PGM2L1: variants seen among roughly 807,000 people sequenced by gnomAD.
PGM2L1 encodes glucose 1,6-bisphosphate synthase.
In PGM2L1, 35 loss-of-function variants were observed where a neutral mutation model predicts 73.4. That is an observed-to-expected ratio of 0.48 (90% confidence interval 0.36 to 0.63). The LOEUF is 0.63. Among genes scored for constraint, PGM2L1 ranks in the 30% least tolerant of loss-of-function variants. PGM2L1 has a pLI of 0.00. For synonymous variants in PGM2L1, 225 were observed against 253.8 expected (o/e 0.89, Z 1.08); for missense variants, 570 against 742.0 (o/e 0.77, Z 2.69).
chr11:74,367,690 C>T (rs1862682122), intron 5 of PGM2L1, among the ~76,000 whole-genome samples: 1 of 152,188 alleles, frequency 6.6e-6, no homozygotes, highest in Admixed American at 6.5e-5. Flanking sequence ...CTTAAGTCCA[C>T]ATTTCTCCCC....
intron 5 of PGM2L1, among the ~76,000 whole-genome samples, chr11:74,364,970 C>T (rs1862632106): frequency 1.3e-5 from 2 of 152,222 alleles, no homozygotes; most frequent in Admixed American, 1.3e-4. Context: ...AACTATACTA[C>T]AAGGCTACAG....
chr11:74,354,947 C>T, intron 5 of PGM2L1: 2 of 939,482 alleles, frequency 2.1e-6, no homozygotes, highest in Middle Eastern at 3.2e-4. Context: ...AGAAATACCA[C>T]ACTGTGAATG....
rs990084308 is a variant in PGM2L1 at position 74,342,770 on chromosome 11, A to C, written c.1442+115T>G. 3 of 1,388,606 alleles carry C rather than the reference A, an allele frequency of 2.2e-6. No individual in the cohort carries two copies. The African/African-American group carries it at 4.4e-5, about 20-fold the overall frequency. The allele number at this position is 1,388,606 out of a possible 1,614,324, so 86.0% of individuals were successfully genotyped here. A position where few individuals can be genotyped will look rare whatever the true frequency, so the allele number is the denominator to read the frequency against. On this transcript the variant is annotated intron_variant, in intron 11 of 13. Transcript: ENST00000298198. ...AAAGTGGCAGTCCTTAATTCACATA[A>C]TTTTAATACTTTTTAAAAAAGGATC...
chr11:74,380,677 T>TA (rs1565444720), intron 1 of PGM2L1, among the ~76,000 whole-genome samples: 2 of 152,122 alleles, frequency 1.3e-5, no homozygotes, highest in Admixed American at 6.6e-5. Context: ...CTATCTTTTT[T>TA]TAAAAAAACT....
chr11:74,395,870 GTTTC>G (rs2134960627), intron 1 of PGM2L1, among the ~76,000 whole-genome samples: 1 of 152,034 alleles, frequency 6.6e-6, no homozygotes, highest in Non-Finnish European at 1.5e-5. Context: ...CATTTTACAG[GTTTC>G]TTTAATATTT....
chr11:74,390,374 T>C (rs1015074840), intron 1 of PGM2L1, among the ~76,000 whole-genome samples: 4 of 152,326 alleles, frequency 2.6e-5, no homozygotes, highest in South Asian at 2.1e-4. Context: ...TAAGGTTTCT[T>C]CATCTTTTCA....
At position 74,398,062 on chromosome 11, in the gene PGM2L1, G is replaced by C; in HGVS notation, c.100C>G (p.Arg34Gly). Reference protein sequence around the residue: ...QLDTAIGQWLRWDKNPKTKEQ... With the variant: ...QLDTAIGQWLGWDKNPKTKEQ... ...GACCAGGTACCCACCTTATCCCAGCGGAGCCACTGCCCGATGGCCGTGTCC... is the reference window on the plus strand; with the variant it reads ...GACCAGGTACCCACCTTATCCCAGCCGAGCCACTGCCCGATGGCCGTGTCC... Residue 34 changes from arginine to glycine, a missense_variant, in exon 1 of 14, where the codon CGC becomes GGC. By Grantham distance (125) the Arg-to-Gly change is moderately radical. Coordinates refer to ENST00000298198, the MANE Select transcript of PGM2L1 (RefSeq NM_173582.6). 6.2e-7 allele frequency: 1 copy of C among 1,609,378 alleles called. No individual in the cohort carries two copies. Among genetic ancestry groups the C allele is most frequent in the Non-Finnish European group, 8.5e-7 (1 of 1,177,376 alleles).
intron 5 of PGM2L1, among the ~76,000 whole-genome samples, chr11:74,353,590 C>T (rs909558801): frequency 4.6e-5 from 7 of 151,348 alleles, no homozygotes; most frequent in Non-Finnish European, 8.8e-5. Context: ...CATCTTGCAC[C>T]GCCCTTAATC....
chr11:74,383,286 A>G (rs1314350491), intron 1 of PGM2L1, among the ~76,000 whole-genome samples: 1 of 152,172 alleles, frequency 6.6e-6, no homozygotes, highest in Non-Finnish European at 1.5e-5. Flanking sequence ...AAGTATATAA[A>G]CCATACATGC....
In PGM2L1 at chr11:74,343,432, G is replaced by A. The variant is rs746004806; in HGVS notation, c.1219-16C>T. On this transcript the variant is annotated splice_polypyrimidine_tract_variant and intron_variant, in intron 9 of 13. Coordinates refer to ENST00000298198, the MANE Select transcript of PGM2L1 (RefSeq NM_173582.6). ...GTAATGTTTCCTGAAATGCAGAGGAGGCCACTCTAGTTAAGTGACTGTCTC... is the reference window on the plus strand; with the variant it reads ...GTAATGTTTCCTGAAATGCAGAGGAAGCCACTCTAGTTAAGTGACTGTCTC... 3 of 1,602,332 alleles carry A rather than the reference G, an allele frequency of 1.9e-6. No individual in the cohort carries two copies. Among genetic ancestry groups the A allele is most frequent in the African/African-American group, 2.7e-5 (2 of 74,134 alleles).
chr11:74,372,432 T>C (rs1862781083), intron 2 of PGM2L1, among the ~76,000 whole-genome samples: 1 of 152,212 alleles, frequency 6.6e-6, no homozygotes, highest in Non-Finnish European at 1.5e-5. Context: ...GTATTTCATA[T>C]TGAAAACATC....
chr11:74,351,303 A>G lies in PGM2L1; in HGVS notation c.749+80T>C. Reference sequence around the variant, plus strand: ...ATAATTTTAATCTAATAAATAGACAACACTTTTTATCACTTTTTATTCTCC... The same window carrying G: ...ATAATTTTAATCTAATAAATAGACAGCACTTTTTATCACTTTTTATTCTCC... On this transcript the variant is annotated intron_variant, in intron 6 of 13. Coordinates refer to ENST00000298198, the MANE Select transcript of PGM2L1 (RefSeq NM_173582.6). 4 of 1,335,800 alleles carry G rather than the reference A, an allele frequency of 3.0e-6. No individual in the cohort carries two copies. In the South Asian group the frequency reaches 5.3e-5, roughly 18 times the overall value. 82.7% of individuals were successfully genotyped at this position (1,335,800 alleles called of 1,614,324 possible). A position where few individuals can be genotyped will look rare whatever the true frequency, so the allele number is the denominator to read the frequency against.
chr11:74,352,691 C>T (rs531978536), intron 5 of PGM2L1, among the ~76,000 whole-genome samples: 51 of 152,274 alleles, frequency 3.3e-4, no homozygotes, highest in Middle Eastern at 3.4e-3. Flanking sequence ...TCTCTATAAA[C>T]ACCTCAAAAT....
At chr11:74,351,933 G>A (rs1468644641) in intron 5 of PGM2L1, among the ~76,000 whole-genome samples, 1 of 149,452 alleles carries the variant, frequency 6.7e-6, no homozygotes, top group Admixed American at 6.8e-5. Flanking sequence ...CCACACTCCA[G>A]CCTGAGCTAC....
At chr11:74,343,149 A>G (rs1862208509) in intron 10 of PGM2L1, 135 bp from the exon 11 acceptor site, 2 of 1,338,694 alleles carry the variant, frequency 1.5e-6, no homozygotes, top group African/African-American at 1.5e-5. Context: ...GAGTGTATTT[A>G]GGGGACACTT....
At chr11:74,385,703 T>C (rs1380715031) in intron 1 of PGM2L1, among the ~76,000 whole-genome samples, 1 of 152,144 alleles carries the variant, frequency 6.6e-6, no homozygotes, top group Non-Finnish European at 1.5e-5. Context: ...TTAATGCATA[T>C]TTTGAAATGG....
At chr11:74,372,622 T>C (rs1305809437) in intron 2 of PGM2L1, among the ~76,000 whole-genome samples, 1 of 152,198 alleles carries the variant, frequency 6.6e-6, no homozygotes, top group African/African-American at 2.4e-5. Flanking sequence ...CAGACACCAT[T>C]TCTAATTTGG....
intron 6 of PGM2L1, among the ~76,000 whole-genome samples, chr11:74,349,840 A>G (rs990250878): frequency 1.1e-4 from 17 of 152,152 alleles, no homozygotes; most frequent in East Asian, 7.7e-4. Context: ...GTATGTCTAT[A>G]TATTTATTTA....
intron 1 of PGM2L1, among the ~76,000 whole-genome samples, chr11:74,397,023 ATT>A (rs757558375): frequency 2.6e-4 from 39 of 152,284 alleles, no homozygotes; most frequent in South Asian, 1.0e-3. Context: ...AGCATTCAAT[ATT>A]TTTTTGCTGA....
Sources: allele counts gnomAD v4.1 joint callset (sites outside exome capture counted in the v4.1 genomes callset), GRCh38; gene constraint gnomAD v4.1.1; transcripts MANE v1.5; gene names NCBI Gene and HGNC (gene_info 2026-07-23, HGNC 2026-07-21).